MAGI2: variants seen among roughly 807,000 people sequenced by gnomAD.
The protein encoded by MAGI2 is membrane-associated guanylate kinase, WW and PDZ domain-containing protein 2.
In MAGI2, 35 loss-of-function variants were observed where a neutral mutation model predicts 133.3. The ratio of observed to expected loss-of-function variants is 0.26; its 90% CI spans 0.20 to 0.35. MAGI2 has a LOEUF of 0.35. Among genes scored for constraint, MAGI2 ranks in the 10% least tolerant of loss-of-function variants. The pLI, the probability that MAGI2 is intolerant of heterozygous loss-of-function variation, is 1.00. For synonymous variants in MAGI2, 729 were observed against 710.6 expected, an observed-to-expected ratio of 1.03 and a Z score of -0.41; for missense variants, 1,636 against 1,863.4, an observed-to-expected ratio of 0.88 and a Z score of 2.25.
At chr7:78,490,439 T>C (rs1289233531) in intron 5 of MAGI2, among the ~76,000 whole-genome samples, 1 of 152,086 alleles carries the variant, frequency 6.6e-6, no homozygotes, top group South Asian at 2.1e-4. Context: ...GCCTGCATTC[T>C]AATGTTTCTG....
intron 2 of MAGI2, among the ~76,000 whole-genome samples, chr7:78,823,701 G>C (rs1790371019): frequency 6.6e-6 from 1 of 151,838 alleles, no homozygotes; most frequent in Non-Finnish European, 1.5e-5. Context: ...AGAAGAATAA[G>C]AGCTGTCAGG....
intron 10 of MAGI2, among the ~76,000 whole-genome samples, chr7:78,218,340 T>C (rs1289651112): frequency 2.0e-5 from 3 of 152,240 alleles, no homozygotes; most frequent in Non-Finnish European, 4.4e-5. Flanking sequence ...CTAGAAGTGA[T>C]GTAAATCTTT....
intron 9 of MAGI2, among the ~76,000 whole-genome samples, chr7:78,283,451 T>A (rs1284651321): frequency 6.6e-6 from 1 of 152,118 alleles, no homozygotes; most frequent in African/African-American, 2.4e-5. Context: ...GTCAAACATA[T>A]CCTTTATTAA....
chr7:78,530,700 T>C (rs930135832), intron 3 of MAGI2, among the ~76,000 whole-genome samples: 14 of 152,180 alleles, frequency 9.2e-5, no homozygotes, highest in African/African-American at 1.7e-4. Context: ...ATTAGGCTCC[T>C]ACTTTCGCAC....
intron 4 of MAGI2, among the ~76,000 whole-genome samples, chr7:78,516,299 A>G (rs1241874541): frequency 1.3e-5 from 2 of 152,180 alleles, no homozygotes; most frequent in Non-Finnish European, 2.9e-5. Flanking sequence ...ATTTGAACCA[A>G]TGGAAACAGA....
chr7:78,078,888 T>C (rs1267544804), intron 21 of MAGI2, 59 bp downstream of exon 21: 24 of 1,604,674 alleles, frequency 1.5e-5, no homozygotes, highest in Non-Finnish European at 1.9e-5. Flanking sequence ...TAAATAACCA[T>C]AAGCATTTAT....
At chr7:79,383,843 T>C (rs1843984125) in intron 1 of MAGI2, among the ~76,000 whole-genome samples, 1 of 151,336 alleles carries the variant, frequency 6.6e-6, no homozygotes, top group South Asian at 2.1e-4. Context: ...AACCCGAAAG[T>C]TGACATAATT....
Position 78,381,501 on chromosome 7 carries a change from C to T in MAGI2, c.1046-12288G>A, listed in dbSNP as rs561830342. On this transcript the variant is annotated intron_variant, in intron 6 of 21. Transcript: ENST00000354212. ...GAATATCTTCTATAGCTCAAAATAC[C>T]ATAACTAATACTAAAAGATAACCGA... 2.0e-5 allele frequency among the ~76,000 whole-genome samples: 3 copies of T among 152,030 alleles called. No homozygotes were observed. In the East Asian group the frequency reaches 5.8e-4, roughly 29 times the overall value.
chr7:78,844,516 C>A (rs1563571759), intron 2 of MAGI2, among the ~76,000 whole-genome samples: 1 of 151,852 alleles, frequency 6.6e-6, no homozygotes, highest in Non-Finnish European at 1.5e-5. Context: ...CATGCTACAA[C>A]ATGGATGAAC....
chr7:79,398,441 A>C (rs1448721444), intron 1 of MAGI2, among the ~76,000 whole-genome samples: 1 of 152,200 alleles, frequency 6.6e-6, no homozygotes, highest in Non-Finnish European at 1.5e-5. Context: ...TGTTTGTGAG[A>C]GGCATGTCCT....
At chr7:78,291,728 TCCA>T (rs1796729067) in intron 9 of MAGI2, among the ~76,000 whole-genome samples, 1 of 152,190 alleles carries the variant, frequency 6.6e-6, no homozygotes, top group Non-Finnish European at 1.5e-5. Flanking sequence ...AAGAAGCTTC[TCCA>T]CCATGATCAA....
chr7:78,459,209 C>T (rs910217861), intron 6 of MAGI2, among the ~76,000 whole-genome samples: 7 of 152,260 alleles, frequency 4.6e-5, no homozygotes, highest in African/African-American at 1.7e-4. Flanking sequence ...GGCAAGGCAA[C>T]TTTTGAATAT....
chr7:78,168,414 A>G (rs756012502), intron 14 of MAGI2, among the ~76,000 whole-genome samples: 6 of 152,224 alleles, frequency 3.9e-5, no homozygotes, highest in Non-Finnish European at 7.3e-5. Context: ...TTAGTGCTAG[A>G]GATAAATATT....
chr7:78,800,238 A>T (rs1416144725), intron 2 of MAGI2, among the ~76,000 whole-genome samples: 2 of 152,130 alleles, frequency 1.3e-5, no homozygotes, highest in African/African-American at 4.8e-5. Context: ...CAACCCTAAA[A>T]TATCTGTGGT....
intron 7 of MAGI2, among the ~76,000 whole-genome samples, chr7:78,367,719 C>G (rs1409105160): frequency 6.6e-6 from 1 of 152,132 alleles, no homozygotes; most frequent in Admixed American, 6.5e-5. Context: ...ATGGAATTTC[C>G]TTGAATATCG....
At chr7:78,048,729 A>T (rs1811692218) in intron 21 of MAGI2, among the ~76,000 whole-genome samples, 1 of 152,224 alleles carries the variant, frequency 6.6e-6, no homozygotes, top group Non-Finnish European at 1.5e-5. Flanking sequence ...AGCCTGAAAC[A>T]TAAGCAGTTC....
intron 1 of MAGI2, among the ~76,000 whole-genome samples, chr7:79,261,226 T>C (rs1011401781): frequency 3.9e-5 from 6 of 152,220 alleles, no homozygotes; most frequent in African/African-American, 1.2e-4. Flanking sequence ...TTAGACTCTC[T>C]CACTTCTTAC....
chr7:78,516,986 G>A (rs1796094205), intron 4 of MAGI2, among the ~76,000 whole-genome samples: 1 of 152,202 alleles, frequency 6.6e-6, no homozygotes, highest in South Asian at 2.1e-4. Flanking sequence ...TAAGTGAAAT[G>A]TGTTGCATTT....
chr7:78,323,085 C>CAA (rs3086514), intron 9 of MAGI2, among the ~76,000 whole-genome samples: 34,848 of 147,574 alleles, frequency 0.24, 5,477 homozygotes, highest in African/African-American at 0.43. Context: ...GTAAAATTAC[C>CAA]AAAAAAAAAT....
Sources: gnomAD v4.1 joint callset for allele counts (sites outside exome capture counted in the v4.1 genomes callset) on GRCh38, gnomAD v4.1.1 for gene constraint, MANE v1.5 for transcripts, NCBI Gene and HGNC (gene_info 2026-07-23, HGNC 2026-07-21) for gene names.